The following SCNN1A variants were observed in gnomAD, a reference collection of about 807,000 sequenced individuals.
The protein encoded by SCNN1A is sodium channel epithelial 1 subunit alpha.
Under a neutral mutation model 68.6 loss-of-function variants are expected in SCNN1A, and 65 were observed. The ratio of observed to expected loss-of-function variants is 0.95; its 90% CI spans 0.78 to 1.16. The LOEUF (loss-of-function observed/expected upper bound fraction) is 1.16. Ranked by LOEUF, SCNN1A falls within the 50% of genes most tolerant of loss-of-function variation. The pLI is 0.00. For missense variants in SCNN1A, 880 were observed against 865.9 expected (o/e 1.02, Z -0.20); for synonymous variants, 357 against 353.3 (o/e 1.01, Z -0.12).
In SCNN1A at chr12:6,363,440, C is replaced by T; in HGVS notation, c.684+3G>A. On this transcript the variant is annotated splice_donor_region_variant and intron_variant, in intron 3 of 12. Transcript: ENST00000228916. ...GCGGGCCCCTCGGCGCTGCGGGCCTCACCAGCTGGAAGCCGATCTTCCAGT... is the reference window on the plus strand; with the variant it reads ...GCGGGCCCCTCGGCGCTGCGGGCCTTACCAGCTGGAAGCCGATCTTCCAGT... The T allele has an allele frequency of 6.4e-7, 1 of 1,568,472 alleles. No homozygotes were observed. The highest frequency in any genetic ancestry group is 1.2e-5 in the South Asian group (1 of 85,260).
At chr12:6,375,857 G>A (rs1005639983), upstream of SCNN1A, 3 of 1,325,096 alleles carry the variant, frequency 2.3e-6, no homozygotes, top group African/African-American at 4.6e-5. Flanking sequence ...GAGAGGGCCT[G>A]GGTGGGGAAC....
At chr12:6,376,301 G>A (rs1014966966), upstream of SCNN1A, 7 of 408,632 alleles carry the variant, frequency 1.7e-5, no homozygotes, top group East Asian at 1.6e-4. Context: ...GTGAAGCTGG[G>A]GGCTAGGCGG....
chr12:6,349,469 G>A, intron 8 of SCNN1A, 64 bp from the exon 9 acceptor site: 1 of 1,214,814 alleles, frequency 8.2e-7, no homozygotes, highest in Non-Finnish European at 1.2e-6. Context: ...CCACACCCAA[G>A]AGGTCTCCCA....
chr12:6,354,633 T>C lies in SCNN1A; in HGVS notation c.1243-78A>G, dbSNP rs1948461944. 9 of 1,415,616 alleles carry C rather than the reference T, an allele frequency of 6.4e-6. No individual in the cohort carries two copies. In the Admixed American group the frequency reaches 8.4e-5, roughly 13 times the overall value. The allele number at this position is 1,415,616 out of a possible 1,614,324, so 87.7% of individuals were successfully genotyped here. On this transcript the variant is annotated intron_variant, in intron 7 of 12. Transcript: ENST00000228916. ...TTCTCTGCACAGAGCCTCCATCCTCTTTCCACCACCCCCCAGTTTCCCTCT... is the reference window on the plus strand; with the variant it reads ...TTCTCTGCACAGAGCCTCCATCCTCCTTCCACCACCCCCCAGTTTCCCTCT...
upstream of SCNN1A, chr12:6,376,338 A>G: frequency 4.5e-6 from 1 of 220,362 alleles, no homozygotes; most frequent in Non-Finnish European, 7.7e-6. Flanking sequence ...GTTCTTTTTT[A>G]CACTGTTGGC....
At chr12:6,356,113 G>C (rs1948493589) in intron 4 of SCNN1A, 2 of 582,942 alleles carry the variant, frequency 3.4e-6, no homozygotes, top group East Asian at 6.0e-5. Flanking sequence ...TCATATCACA[G>C]AGGAGGAAGC....
intron 2 of SCNN1A, among the ~76,000 whole-genome samples, chr12:6,369,250 TCCTCCATGCTGCCACCCTACACG>T (rs1948734668): frequency 1.4e-5 from 2 of 141,956 alleles, no homozygotes; most frequent in Admixed American, 7.0e-5. Flanking sequence ...CCCGGCTTCC[TCCTCCATGCTGCCACCCTACACG>T]CCTCCCTCCT....
chr12:6,359,588 T>A (rs1268447636), intron 4 of SCNN1A, among the ~76,000 whole-genome samples: 1 of 152,080 alleles, frequency 6.6e-6, no homozygotes, highest in Non-Finnish European at 1.5e-5. Context: ...GCTGGTTGTT[T>A]AAAAGTGCCT....
In SCNN1A at chr12:6,347,248, T is replaced by C. The variant is rs1948272584; in HGVS notation, c.*625A>G. ...GACACAGGGCAGAGGTGCCGGGGCATGGCTCTGTGAGGGCACGGGTATGAG... is the reference window on the plus strand; with the variant it reads ...GACACAGGGCAGAGGTGCCGGGGCACGGCTCTGTGAGGGCACGGGTATGAG... On this transcript the variant is annotated 3_prime_UTR_variant, in exon 13 of 13. Transcript: ENST00000228916. The C allele has an allele frequency of 6.5e-6, 1 of 154,872 alleles. No homozygotes were observed. Among genetic ancestry groups the C allele is most frequent in the Non-Finnish European group, 1.4e-5 (1 of 69,702 alleles). 9.6% of individuals were successfully genotyped at this position (154,872 alleles called of 1,614,324 possible).
intron 3 of SCNN1A, 73 bp downstream of exon 3, chr12:6,363,370 G>A (rs1948614044): frequency 2.9e-6 from 4 of 1,363,730 alleles, no homozygotes; most frequent in South Asian, 1.6e-5. Context: ...CAGGAAAGGA[G>A]CGGAGCCCAT....
At chr12:6,377,151 C>A, upstream of SCNN1A, 1 of 947,658 alleles carries the variant, frequency 1.1e-6, no homozygotes, top group South Asian at 1.6e-5. Context: ...GGCTCAGGGT[C>A]CAACCTGGTC....
At chr12:6,350,230 A>G (rs1023826321) in intron 8 of SCNN1A, among the ~76,000 whole-genome samples, 1 of 147,972 alleles carries the variant, frequency 6.8e-6, no homozygotes, top group African/African-American at 2.5e-5. Flanking sequence ...CAAGAGATCG[A>G]GACCATCCTG....
chr12:6,349,766 G>A, intron 8 of SCNN1A: 1 of 253,382 alleles, frequency 3.9e-6, no homozygotes, highest in South Asian at 4.3e-5. Flanking sequence ...TCGCTCTGTT[G>A]CCCACGCTAG....
rs1255587668 is a variant in SCNN1A at position 6,355,851 on chromosome 12, T to C, written c.905A>G (p.Tyr302Cys). The change falls in exon 5 of 13, where the codon TAT becomes TGT. Residue 302 changes from tyrosine (Y) to cysteine (C), a missense_variant. Physicochemically the swap from Tyr to Cys is radical, Grantham distance 194. Coordinates refer to ENST00000228916, the MANE Select transcript of SCNN1A (RefSeq NM_001038.6). ...GTCATTGAAAGTATAGCAGTTTCCA[T>C]ACATCGGGTGGTGGAAGTGAGAGTA... ...ANYSHFHHPM[Y>C]GNCYTFNDKN... The C allele has an allele frequency of 6.2e-7, 1 of 1,612,916 alleles. No individual in the cohort carries two copies.
At chr12:6,376,359 G>A (rs986355336), upstream of SCNN1A, among the ~76,000 whole-genome samples, 2 of 152,242 alleles carry the variant, frequency 1.3e-5, no homozygotes, top group African/African-American at 4.8e-5. Flanking sequence ...TGCCAGGCCA[G>A]GAATGTGTAA....
chr12:6,364,097 C>T (rs957603634), intron 2 of SCNN1A: 2 of 168,708 alleles, frequency 1.2e-5, no homozygotes, highest in Admixed American at 6.4e-5. Context: ...CAGGTCATCC[C>T]GCCCTGATCC....
chr12:6,354,634 T>C, intron 7 of SCNN1A, 79 bp from the exon 8 acceptor site: 1 of 1,416,334 alleles, frequency 7.1e-7, no homozygotes, highest in Non-Finnish European at 1.0e-6. Context: ...TCCATCCTCT[T>C]TCCACCACCC....
Position 6,348,229 on chromosome 12 carries a change from C to T in SCNN1A, c.1654G>A (p.Gly552Ser). Residue 552 changes from glycine to serine, a missense_variant, in exon 13 of 13, where the codon GGC becomes AGC. Gly to Ser is a moderately conservative substitution (Grantham distance 56, BLOSUM62 0). Transcript: ENST00000228916. ...VTMVTLLSNL[G>S]SQWSLWFGSS... ...CCGAACCACAGGCTCCACTGGCTGCCCAGGTTGGACAGGAGGGTGACCATC... is the reference window on the plus strand; with the variant it reads ...CCGAACCACAGGCTCCACTGGCTGCTCAGGTTGGACAGGAGGGTGACCATC... 6.2e-7 allele frequency: 1 copy of T among 1,614,072 alleles called. No individual in the cohort carries two copies. Among genetic ancestry groups the T allele is most frequent in the Non-Finnish European group, 8.5e-7 (1 of 1,180,020 alleles).
chr12:6,348,200 G>A lies in SCNN1A; in HGVS notation c.1683C>T (p.Ser561=). 4 of 1,614,142 alleles carry A rather than the reference G, an allele frequency of 2.5e-6. No individual in the cohort carries two copies. Among genetic ancestry groups the A allele is most frequent in the Non-Finnish European group, 3.4e-6 (4 of 1,180,028 alleles). Residue 561 remains serine, a synonymous_variant, in exon 13 of 13, where the codon TCC becomes TCT. Coordinates refer to ENST00000228916, the MANE Select transcript of SCNN1A (RefSeq NM_001038.6). ...CCATCTCCACCACAGACAACACCGA[G>A]GAGCCGAACCACAGGCTCCACTGGC... The part of the protein sequence containing the change: ...LGSQWSLWFG[S]SVLSVVEMAE...
Sources: allele counts gnomAD v4.1 joint callset (sites outside exome capture counted in the v4.1 genomes callset), GRCh38; gene constraint gnomAD v4.1.1; transcripts MANE v1.5; gene names NCBI Gene and HGNC (gene_info 2026-07-23, HGNC 2026-07-21).